TTLL5: variants seen among roughly 807,000 people sequenced by gnomAD.
The protein encoded by TTLL5 is tubulin polyglutamylase TTLL5.
TTLL5 carries 132 observed loss-of-function variants against 168.4 expected under a neutral mutation model. The ratio of observed to expected loss-of-function variants is 0.78; its 90% CI spans 0.68 to 0.91. TTLL5 has a LOEUF of 0.91. TTLL5 is among the 40% of genes least tolerant of loss of function. TTLL5 has a pLI of 0.00. For synonymous variants in TTLL5, 546 were observed against 558.6 expected (o/e 0.98, Z 0.32); for missense variants, 1,545 against 1,581.5 (o/e 0.98, Z 0.39).
chr14:75,686,882 C>T (rs1885099433), intron 5 of TTLL5, among the ~76,000 whole-genome samples: 1 of 151,936 alleles, frequency 6.6e-6, no homozygotes, highest in Non-Finnish European at 1.5e-5. Context: ...ATCATGATTC[C>T]ATTAAAGTAA....
intron 29 of TTLL5, among the ~76,000 whole-genome samples, chr14:75,869,964 C>T (rs535350128): frequency 7.9e-5 from 12 of 151,888 alleles, no homozygotes; most frequent in Admixed American, 5.9e-4. Context: ...GGACTACAGG[C>T]GCACACCACC....
chr14:75,719,965 A>C (rs1031376429), intron 11 of TTLL5, 139 bp downstream of exon 11: 2 of 899,540 alleles, frequency 2.2e-6, no homozygotes, highest in Non-Finnish European at 3.5e-6. Flanking sequence ...TTTTTCCTGC[A>C]GTTGACAAGC....
chr14:75,719,719 T>A lies in TTLL5; in HGVS notation c.843-16T>A. On this transcript the variant is annotated splice_polypyrimidine_tract_variant and intron_variant, in intron 10 of 31. Transcript: ENST00000298832. ...CCTAGTTACATATGTGACTTTGATT[T>A]ATTAATTTGTTTTAGTTGTGACGAT... is the stretch of plus-strand genomic sequence containing the variant. The A allele has an allele frequency of 6.3e-7, 1 of 1,592,540 alleles. No individual in the cohort carries two copies. Among genetic ancestry groups the A allele is most frequent in the Non-Finnish European group, 8.5e-7 (1 of 1,170,620 alleles).
At chr14:75,714,003 G>A (rs568476546) in intron 9 of TTLL5, among the ~76,000 whole-genome samples, 4 of 151,028 alleles carry the variant, frequency 2.6e-5, no homozygotes, top group African/African-American at 9.7e-5. Flanking sequence ...ATCACATGTT[G>A]TATTTAGCCG....
rs1290898294 is a variant in TTLL5, at chr14:75,663,225, TAAGTAATAGCA to T, written c.74+4_74+14del. The T allele has an allele frequency of 1.2e-6, 2 of 1,610,738 alleles. No individual in the cohort carries two copies. The highest frequency in any genetic ancestry group is 1.7e-6 in the Non-Finnish European group (2 of 1,178,728). ...GGATGAGGAGGTCATAAGTCAAGAGTAAGTAATAGCAAGCCTGCTTTCAACCTGTGCTTTGT... is the reference window on the plus strand; with the variant it reads ...GGATGAGGAGGTCATAAGTCAAGAGTAGCCTGCTTTCAACCTGTGCTTTGT... On this transcript the variant is annotated splice_donor_5th_base_variant and intron_variant, in intron 2 of 31. Coordinates refer to ENST00000298832, the MANE Select transcript of TTLL5 (RefSeq NM_015072.5).
chr14:75,677,479 T>G (rs1280583991), intron 3 of TTLL5, among the ~76,000 whole-genome samples: 1 of 149,732 alleles, frequency 6.7e-6, no homozygotes, highest in Admixed American at 6.7e-5. Context: ...CACTGCAGCC[T>G]TAGCCTTTCA....
chr14:75,935,299 G>A (rs893686490), intron 31 of TTLL5, among the ~76,000 whole-genome samples: 1 of 152,210 alleles, frequency 6.6e-6, no homozygotes, highest in Admixed American at 6.5e-5. Flanking sequence ...AATATGAGGG[G>A]AGATTCTCCC....
intron 27 of TTLL5, among the ~76,000 whole-genome samples, chr14:75,804,386 T>C (rs532011314): frequency 3.3e-4 from 50 of 152,368 alleles, no homozygotes; most frequent in African/African-American, 1.2e-3. Context: ...CAGTGGACCC[T>C]GAGTGAATCT....
chr14:75,771,363 G>C (rs1595008090), intron 20 of TTLL5, among the ~76,000 whole-genome samples: 1 of 152,164 alleles, frequency 6.6e-6, no homozygotes. Flanking sequence ...GCAGGATGGA[G>C]GTTGCGGTGA....
At chr14:75,855,925 T>C (rs1317460365) in intron 28 of TTLL5, among the ~76,000 whole-genome samples, 1 of 152,192 alleles carries the variant, frequency 6.6e-6, no homozygotes, top group Admixed American at 6.5e-5. Context: ...TAGGAAAATA[T>C]GACCTATCCT....
intron 9 of TTLL5, among the ~76,000 whole-genome samples, chr14:75,716,932 T>C (rs915824499): frequency 3.9e-5 from 6 of 152,236 alleles, no homozygotes; most frequent in African/African-American, 9.6e-5. Context: ...ACTAAGTCTC[T>C]TGCACTGTGC....
At chr14:75,888,690 C>T (rs1002820541) in intron 30 of TTLL5, among the ~76,000 whole-genome samples, 4 of 151,864 alleles carry the variant, frequency 2.6e-5, no homozygotes, top group African/African-American at 7.3e-5. Context: ...AATCCCAGTG[C>T]TTTGGGAGGC....
chr14:75,838,093 C>T (rs1055621441), intron 28 of TTLL5: 1 of 152,042 alleles, frequency 6.6e-6, no homozygotes, highest in Non-Finnish European at 1.5e-5. Context: ...ATTAATTATT[C>T]ACTTTATTTT....
intron 30 of TTLL5, chr14:75,887,108 G>A: frequency 8.9e-7 from 1 of 1,121,020 alleles, no homozygotes; most frequent in Non-Finnish European, 1.1e-6. Flanking sequence ...ACTGTTCTGT[G>A]TCAGCACCCA....
chr14:75,717,218 A>G (rs1476005687), intron 9 of TTLL5, among the ~76,000 whole-genome samples: 2 of 152,088 alleles, frequency 1.3e-5, no homozygotes, highest in African/African-American at 2.4e-5. Flanking sequence ...GGGCTCAAGC[A>G]GTCTTCTCAC....
chr14:75,716,884 A>G (rs908639722), intron 9 of TTLL5, among the ~76,000 whole-genome samples: 11 of 152,182 alleles, frequency 7.2e-5, no homozygotes, highest in African/African-American at 2.7e-4. Flanking sequence ...AGTGGGCTCC[A>G]TGTTTAATTC....
intron 21 of TTLL5, among the ~76,000 whole-genome samples, chr14:75,773,254 G>A (rs1891454679): frequency 6.6e-6 from 1 of 152,122 alleles, no homozygotes; most frequent in Non-Finnish European, 1.5e-5. Context: ...TTTCCAAGTG[G>A]AAAATTGAAA....
intron 12 of TTLL5, among the ~76,000 whole-genome samples, chr14:75,728,375 GA>G (rs1888322337): frequency 6.9e-6 from 1 of 143,970 alleles, no homozygotes; most frequent in African/African-American, 2.5e-5. Context: ...AAAAAAAAAA[GA>G]GAGAAAAAGA....
At position 75,707,041 on chromosome 14, in the gene TTLL5, G is replaced by A. The variant is rs17856074; in HGVS notation, c.609G>A (p.Glu203=). ...INNPNQISLE[E]NILVSRYINN... is the part of the protein sequence containing the mutation. ...AGCCAAACCAGATCTCCCTGGAAGA[G>A]AACATTTTGGTCTCCCGTTACATTA... The change falls in exon 8 of 32, where the codon GAG becomes GAA. Residue 203 remains glutamate, a synonymous_variant. Transcript: ENST00000298832. 6.2e-7 allele frequency: 1 copy of A among 1,612,594 alleles called. No individual in the cohort carries two copies. The highest frequency in any genetic ancestry group is 1.7e-5 in the Admixed American group (1 of 59,946).
Sources: gnomAD v4.1 joint callset for allele counts (sites outside exome capture counted in the v4.1 genomes callset) on GRCh38, gnomAD v4.1.1 for gene constraint, MANE v1.5 for transcripts, NCBI Gene and HGNC (gene_info 2026-07-23, HGNC 2026-07-21) for gene names.